AMPH: variants seen among roughly 807,000 people sequenced by gnomAD.
AMPH encodes amphiphysin (Stiff-Mann syndrome with breast cancer 128kD autoantigen).
In AMPH, 49 loss-of-function variants were observed where a neutral mutation model predicts 99.1. The observed-to-expected ratio is 0.49, with a 90% CI of 0.39 to 0.63. AMPH has a LOEUF of 0.63. Ranked by LOEUF, AMPH falls within the 20% of genes least tolerant of loss-of-function variation. The pLI is 0.00. For missense variants in AMPH, 759 were observed against 863.4 expected (o/e 0.88, Z 1.52); for synonymous variants, 314 against 317.3 (o/e 0.99, Z 0.11).
At chr7:38,493,931 C>G (rs538100271) in intron 4 of AMPH, among the ~76,000 whole-genome samples, 59 of 152,050 alleles carry the variant, frequency 3.9e-4, no homozygotes, top group Non-Finnish European at 7.8e-4. Flanking sequence ...TGCTCTCTAC[C>G]CAAGTGGTTT....
intron 11 of AMPH, among the ~76,000 whole-genome samples, chr7:38,455,885 G>A (rs1310522396): frequency 1.3e-5 from 2 of 152,236 alleles, no homozygotes; most frequent in Non-Finnish European, 2.9e-5. Flanking sequence ...AGGCCAAGAA[G>A]GGAGAGGAGA....
intron 5 of AMPH, among the ~76,000 whole-genome samples, chr7:38,486,779 G>T (rs1005500273): frequency 6.6e-6 from 1 of 152,034 alleles, no homozygotes; most frequent in African/African-American, 2.4e-5. Flanking sequence ...TAACATATGA[G>T]AATCAATTAA....
At chr7:38,407,125 T>C (rs1231490301) in intron 17 of AMPH, among the ~76,000 whole-genome samples, 1 of 125,642 alleles carries the variant, frequency 8.0e-6, no homozygotes, top group Non-Finnish European at 1.7e-5. Flanking sequence ...TATAAATATA[T>C]AGACATAGAT....
intron 7 of AMPH, among the ~76,000 whole-genome samples, chr7:38,469,889 C>A (rs558827291): frequency 6.6e-6 from 1 of 152,296 alleles, no homozygotes. Flanking sequence ...AACTATTTCA[C>A]CTCTGAAATG....
intron 4 of AMPH, among the ~76,000 whole-genome samples, chr7:38,493,349 A>T (rs1265475442): frequency 6.6e-6 from 1 of 152,226 alleles, no homozygotes; most frequent in African/African-American, 2.4e-5. Context: ...ATGTGAGACA[A>T]TCTGTGACTG....
At chr7:38,441,804 A>ATC (rs1162918556) in intron 11 of AMPH, among the ~76,000 whole-genome samples, 7 of 37,372 alleles carry the variant, frequency 1.9e-4, no homozygotes, top group South Asian at 1.1e-3. Context: ...TATATCATAT[A>ATC]TATATCATAT....
intron 1 of AMPH, among the ~76,000 whole-genome samples, chr7:38,573,832 T>G (rs1025764325): frequency 2.6e-5 from 4 of 152,236 alleles, no homozygotes; most frequent in African/African-American, 7.2e-5. Context: ...CAAATATTGT[T>G]TTAGATTATA....
intron 1 of AMPH, among the ~76,000 whole-genome samples, chr7:38,577,978 C>T (rs980968697): frequency 1.4e-4 from 21 of 152,222 alleles, no homozygotes; most frequent in African/African-American, 5.1e-4. Flanking sequence ...AACACGATAG[C>T]TGCGTCACCT....
intron 16 of AMPH, among the ~76,000 whole-genome samples, chr7:38,420,175 A>G (rs539443733): frequency 6.6e-6 from 1 of 152,366 alleles, no homozygotes; most frequent in South Asian, 2.1e-4. Flanking sequence ...ATAGCTCACT[A>G]AATGATGAGT....
intron 11 of AMPH, among the ~76,000 whole-genome samples, chr7:38,450,781 A>G (rs1490121449): frequency 1.3e-5 from 2 of 152,208 alleles, no homozygotes; most frequent in African/African-American, 4.8e-5. Context: ...TTTATATGGA[A>G]GAGGTCCCCA....
At chr7:38,511,008 T>G (rs1789518839) in intron 2 of AMPH, among the ~76,000 whole-genome samples, 1 of 152,186 alleles carries the variant, frequency 6.6e-6, no homozygotes, top group African/African-American at 2.4e-5. Context: ...CTGCCACTTC[T>G]AACCATGCAA....
intron 17 of AMPH, among the ~76,000 whole-genome samples, chr7:38,408,095 G>A (rs974648492): frequency 1.3e-5 from 2 of 152,180 alleles, no homozygotes; most frequent in Admixed American, 6.5e-5. Context: ...CACCTAGTCA[G>A]TAAACAAGGA....
intron 11 of AMPH, 111 bp from the exon 12 acceptor site, chr7:38,436,499 A>C (rs776285247): frequency 4.5e-5 from 36 of 803,724 alleles, no homozygotes; most frequent in Non-Finnish European, 1.4e-5. Flanking sequence ...GTATCTCCAA[A>C]ACACACTTTT....
rs1787520476 is a variant in AMPH at position 38,463,132 on chromosome 7, T to C, written c.750-19A>G. 9 of 1,613,884 alleles carry C rather than the reference T, an allele frequency of 5.6e-6. No individual in the cohort carries two copies. Among genetic ancestry groups the C allele is most frequent in the Non-Finnish European group, 7.6e-6 (9 of 1,179,846 alleles). ...CGAATCACTAGAGGAACACAGGGGA[T>C]TGGGCAAGGGGCCTTCTCAAGAACA... On this transcript the variant is annotated intron_variant, in intron 9 of 20. Transcript: ENST00000356264.
At chr7:38,446,631 C>A (rs1015482649) in intron 11 of AMPH, among the ~76,000 whole-genome samples, 3 of 152,050 alleles carry the variant, frequency 2.0e-5, no homozygotes, top group African/African-American at 7.2e-5. Flanking sequence ...TGGGGAGGAG[C>A]AAGAGAAATT....
At chr7:38,434,554 A>G (rs2267810) in intron 12 of AMPH, among the ~76,000 whole-genome samples, 19,710 of 152,138 alleles carry the variant, frequency 0.13, 1,526 homozygotes, top group East Asian at 0.28. Context: ...CCTGGCAAAC[A>G]TGGTGAAACC....
intron 1 of AMPH, among the ~76,000 whole-genome samples, chr7:38,579,245 C>A (rs1367881571): frequency 6.6e-6 from 1 of 152,152 alleles, no homozygotes; most frequent in African/African-American, 2.4e-5. Context: ...GTGTCTTTGA[C>A]AAGGGGAGAG....
At chr7:38,425,772 CAG>C (rs1385854829) in intron 15 of AMPH, among the ~76,000 whole-genome samples, 3 of 152,100 alleles carry the variant, frequency 2.0e-5, no homozygotes, top group Admixed American at 6.5e-5. Context: ...AGGGCGGAAA[CAG>C]AGAATTTGTT....
rs751789884 is a variant in AMPH, at chr7:38,505,422, C to T, written c.151-1718G>A. Among the ~76,000 whole-genome samples the T allele has an allele frequency of 2.0e-4, 30 of 152,260 alleles. 1 individual carries two copies. The South Asian group carries it at 4.4e-3, about 22-fold the overall frequency. ...CTTAGGATGAGTCCATTTGCTGGCA[C>T]GTATGAACTTCAAACAGAATGGTTC... On this transcript the variant is annotated intron_variant, in intron 2 of 20. Coordinates refer to ENST00000356264, the MANE Select transcript of AMPH (RefSeq NM_001635.4).
Sources: gnomAD v4.1 joint callset for allele counts (sites outside exome capture counted in the v4.1 genomes callset) on GRCh38, gnomAD v4.1.1 for gene constraint, MANE v1.5 for transcripts, NCBI Gene and HGNC (gene_info 2026-07-23, HGNC 2026-07-21) for gene names.